Variants in ANK3 observed in about 807,000 individuals in gnomAD.
ANK3 encodes the protein ankyrin 3, also known as ankyrin-3.
A neutral mutation model predicts 370.9 loss-of-function variants in ANK3; 57 were observed. The observed-to-expected ratio is 0.15, with a 90% confidence interval of 0.12 to 0.19. The LOEUF is 0.19. Among genes scored for constraint, ANK3 ranks in the 10% least tolerant of loss-of-function variants. The probability of loss-of-function intolerance (pLI) is 1.00; values close to 1 mark genes in which losing one functional copy is unlikely to be tolerated. For synonymous variants in ANK3, 1,929 were observed against 1,946.3 expected (o/e 0.99, Z 0.23); for missense variants, 4,439 against 5,302.1 (o/e 0.84, Z 5.06).
At chr10:60,287,586 A>G (rs2040314320) in intron 1 of ANK3, among the ~76,000 whole-genome samples, 1 of 152,236 alleles carries the variant, frequency 6.6e-6, no homozygotes, top group Non-Finnish European at 1.5e-5. Context: ...ATGTCTTACT[A>G]TACATGCATT....
At chr10:60,657,468 T>A (rs2078880233) in intron 1 of ANK3, among the ~76,000 whole-genome samples, 1 of 152,198 alleles carries the variant, frequency 6.6e-6, no homozygotes, top group Admixed American at 6.5e-5. Context: ...TTTTGATTTC[T>A]TCTTTGACCT....
chr10:60,461,393 A>G (rs1335429297), intron 2 of ANK3, among the ~76,000 whole-genome samples: 1 of 152,202 alleles, frequency 6.6e-6, no homozygotes, highest in Admixed American at 6.6e-5. Context: ...CACCCTACAT[A>G]TAACTGGATC....
chr10:60,051,272 A>G (rs750653422), intron 42 of ANK3, among the ~76,000 whole-genome samples: 2 of 152,204 alleles, frequency 1.3e-5, no homozygotes, highest in Non-Finnish European at 2.9e-5. Flanking sequence ...AAATAGGCCT[A>G]TACAGAATAC....
At chr10:60,573,789 A>T (rs2077647338) in intron 2 of ANK3, among the ~76,000 whole-genome samples, 1 of 152,224 alleles carries the variant, frequency 6.6e-6, no homozygotes, top group African/African-American at 2.4e-5. Context: ...CTTTGAGCAG[A>T]TAACTGACAG....
chr10:60,197,093 A>G (rs910354514), intron 14 of ANK3, among the ~76,000 whole-genome samples: 2 of 151,910 alleles, frequency 1.3e-5, no homozygotes, highest in Non-Finnish European at 2.9e-5. Flanking sequence ...ACATCACCAG[A>G]CCAGCCACTT....
chr10:60,131,965 CTCCTT>C (rs1377731627), intron 25 of ANK3, among the ~76,000 whole-genome samples: 4 of 152,172 alleles, frequency 2.6e-5, no homozygotes, highest in African/African-American at 9.7e-5. Context: ...CCTGGGGAGT[CTCCTT>C]TCACCTGTGA....
exon 1 of ANK3, chr10:60,733,270 G>C: frequency 8.1e-7 from 1 of 1,238,940 alleles, no homozygotes; most frequent in Non-Finnish European, 1.0e-6. Flanking sequence ...CACCTGGGCA[G>C]GAGCGGAGTC....
At chr10:60,457,366 T>C (rs1292324039) in intron 2 of ANK3, among the ~76,000 whole-genome samples, 1 of 152,136 alleles carries the variant, frequency 6.6e-6, no homozygotes, top group South Asian at 2.1e-4. Context: ...ACTGTGCTAA[T>C]GTATGGATGT....
intron 1 of ANK3, among the ~76,000 whole-genome samples, chr10:60,722,186 T>C (rs907666549): frequency 4.6e-5 from 7 of 152,004 alleles, no homozygotes; most frequent in Admixed American, 2.6e-4. Flanking sequence ...AAATGAAGGA[T>C]AGGGCCGCAA....
intron 2 of ANK3, among the ~76,000 whole-genome samples, chr10:60,519,653 A>T (rs574917483): frequency 6.6e-6 from 1 of 152,150 alleles, no homozygotes; most frequent in African/African-American, 2.4e-5. Flanking sequence ...TCTAATTTCA[A>T]ATAAGTCAAC....
At chr10:60,039,592 A>G (rs1206324753) in intron 43 of ANK3, among the ~76,000 whole-genome samples, 3 of 152,300 alleles carry the variant, frequency 2.0e-5, no homozygotes, top group South Asian at 2.1e-4. Context: ...ATTTATTAAT[A>G]TAAGTAGTAG....
At chr10:60,511,952 C>T (rs1278856022) in intron 2 of ANK3, among the ~76,000 whole-genome samples, 1 of 152,000 alleles carries the variant, frequency 6.6e-6, no homozygotes, top group Non-Finnish European at 1.5e-5. Context: ...ATTGAAATAG[C>T]TATCCTGAAA....
chr10:60,331,587 A>G (rs1174415615), intron 1 of ANK3, among the ~76,000 whole-genome samples: 4 of 147,864 alleles, frequency 2.7e-5, no homozygotes, highest in African/African-American at 1.0e-4. Context: ...AAAAAAAAAA[A>G]CAAAAAGACT....
rs556977594 is a variant in ANK3, at chr10:60,176,575, A to T, written c.2185-3389T>A. Among the ~76,000 whole-genome samples, 3 of 152,182 alleles carry T rather than the reference A, an allele frequency of 2.0e-5. No individual in the cohort carries two copies. The East Asian group carries it at 5.8e-4, about 30-fold the overall frequency. On this transcript the variant is annotated intron_variant, in intron 18 of 43. Coordinates refer to ENST00000280772, the MANE Select transcript of ANK3 (RefSeq NM_020987.5). ...TCAGGAGCTCGAGATCAGCCTGCCCAGTATGGCAAAACCCTGTCTCTACTA... is the reference window on the plus strand; with the variant it reads ...TCAGGAGCTCGAGATCAGCCTGCCCTGTATGGCAAAACCCTGTCTCTACTA...
At chr10:60,344,059 T>C (rs2054864974) in intron 1 of ANK3, among the ~76,000 whole-genome samples, 1 of 152,262 alleles carries the variant, frequency 6.6e-6, no homozygotes, top group African/African-American at 2.4e-5. Flanking sequence ...GCAGATCTAA[T>C]AACAGCCTAG....
Position 60,071,132 on chromosome 10 carries a change from G to T in ANK3, c.9749C>A (p.Ala3250Asp). Residue 3250 changes from alanine (A) to aspartate (D), a missense_variant, in exon 37 of 44, where the codon GCC (alanine) becomes GAC (aspartate). This residue lies in a region of ANK3 where 1,601 missense variants were observed against 1,731.7 expected (regional missense o/e 0.92). Coordinates refer to ENST00000280772, the MANE Select transcript of ANK3 (RefSeq NM_020987.5). ...SNQRPKNNRVAYIEFPPPPPL... is the reference protein window; with the variant it reads ...SNQRPKNNRVDYIEFPPPPPL... ...TGGAGGAGGGGGAAATTCAATATAG[G>T]CAACTCTGTTATTTTTGGGTCTTTG... 6.2e-7 allele frequency: 1 copy of T among 1,614,046 alleles called. No homozygotes were observed. The highest frequency in any genetic ancestry group is 2.2e-5 in the East Asian group (1 of 44,880).
intron 2 of ANK3, among the ~76,000 whole-genome samples, chr10:60,525,301 T>TATTA (rs2076442707): frequency 6.6e-6 from 1 of 152,138 alleles, no homozygotes; most frequent in African/African-American, 2.4e-5. Context: ...TGATTTTCAA[T>TATTA]ATTAATAGTC....
chr10:60,097,976 C>T (rs1046932623), intron 28 of ANK3, among the ~76,000 whole-genome samples: 7 of 152,150 alleles, frequency 4.6e-5, no homozygotes, highest in Admixed American at 4.6e-4. Context: ...TGTTAGATTT[C>T]AAAAAGCAAG....
chr10:60,688,056 G>C (rs903604325), intron 1 of ANK3, among the ~76,000 whole-genome samples: 2 of 152,078 alleles, frequency 1.3e-5, no homozygotes, highest in Non-Finnish European at 2.9e-5. Flanking sequence ...TAGGGGTTGG[G>C]AGGAGAGGAA....
Sources: gnomAD v4.1 joint callset for allele counts (sites outside exome capture counted in the v4.1 genomes callset) on GRCh38, gnomAD v4.1.1 for gene constraint, gnomAD v4.1.1 regional missense constraint, MANE v1.5 for transcripts, NCBI Gene and HGNC (gene_info 2026-07-23, HGNC 2026-07-21) for gene names.